Variants in NSD1 observed in about 807,000 individuals in gnomAD.
The protein encoded by NSD1 is nuclear receptor binding SET domain protein 1.
Under a neutral mutation model 242.7 loss-of-function variants are expected in NSD1, and 26 were observed. That is an observed-to-expected ratio of 0.11 (90% CI 0.08 to 0.15). The LOEUF is 0.15. Among genes scored for constraint, NSD1 ranks in the 10% least tolerant of loss-of-function variants. The pLI, the probability that NSD1 is intolerant of heterozygous loss-of-function variation, is 1.00. For synonymous variants in NSD1, 1,106 were observed against 1,178.1 expected (o/e 0.94, Z 1.25); for missense variants, 2,495 against 3,272.8 (o/e 0.76, Z 5.80).
chr5:177,169,907 T>C (rs1007383665), intron 2 of NSD1, among the ~76,000 whole-genome samples: 1 of 151,888 alleles, frequency 6.6e-6, no homozygotes, highest in African/African-American at 2.4e-5. Flanking sequence ...GGTATTAGAT[T>C]TTTAAAATGT....
At chr5:177,228,515 C>T (rs1049691858) in intron 5 of NSD1, among the ~76,000 whole-genome samples, 1 of 151,832 alleles carries the variant, frequency 6.6e-6, no homozygotes, top group Non-Finnish European at 1.5e-5. Flanking sequence ...CCAGCCCCGG[C>T]CTAGGCTGAA....
intron 15 of NSD1, among the ~76,000 whole-genome samples, chr5:177,267,922 A>AT (rs1263016749): frequency 4.2e-5 from 6 of 142,748 alleles, no homozygotes; most frequent in Non-Finnish European, 7.6e-5. Flanking sequence ...CTCTGTCGAA[A>AT]TTTTTTTTTC....
At chr5:177,158,271 TTCTTTC>T in intron 2 of NSD1, among the ~76,000 whole-genome samples, 2 of 104,294 alleles carry the variant, frequency 1.9e-5, no homozygotes, top group Non-Finnish European at 3.5e-5. Flanking sequence ...CTTTCTTTCT[TTCTTTC>T]TTTCTTTCTT....
At chr5:177,247,035 A>G (rs753662244) in intron 10 of NSD1, among the ~76,000 whole-genome samples, 7 of 152,230 alleles carry the variant, frequency 4.6e-5, no homozygotes, top group Non-Finnish European at 1.0e-4. Context: ...TAGGTGTCCA[A>G]TCAGGTATAT....
intron 5 of NSD1, among the ~76,000 whole-genome samples, chr5:177,215,889 G>T (rs780577812): frequency 6.6e-6 from 1 of 151,954 alleles, no homozygotes; most frequent in Non-Finnish European, 1.5e-5. Flanking sequence ...ATGATACTGG[G>T]CCTCTTTGTC....
At chr5:177,240,894 G>A (rs1168322220) in intron 8 of NSD1, among the ~76,000 whole-genome samples, 1 of 151,880 alleles carries the variant, frequency 6.6e-6, no homozygotes, top group African/African-American at 2.4e-5. Context: ...GGTGTTGCAT[G>A]TCTGGTCCCA....
chr5:177,274,367 A>G (rs1758184388), intron 17 of NSD1, among the ~76,000 whole-genome samples: 1 of 152,220 alleles, frequency 6.6e-6, no homozygotes, highest in Non-Finnish European at 1.5e-5. Context: ...CATAAAAATA[A>G]AGAGACAGTG....
At chr5:177,251,147 G>A (rs1038338740) in intron 11 of NSD1, among the ~76,000 whole-genome samples, 3 of 150,960 alleles carry the variant, frequency 2.0e-5, no homozygotes, top group East Asian at 1.9e-4. Context: ...CCAAGATTGC[G>A]CCATTGTACT....
intron 2 of NSD1, among the ~76,000 whole-genome samples, chr5:177,182,336 CAAAA>C (rs1413182331): frequency 6.6e-6 from 1 of 152,052 alleles, no homozygotes. Context: ...AACAAACAAA[CAAAA>C]AACAGAAATT....
At chr5:177,247,451 G>T (rs1766389070) in intron 10 of NSD1, among the ~76,000 whole-genome samples, 1 of 151,926 alleles carries the variant, frequency 6.6e-6, no homozygotes, top group Non-Finnish European at 1.5e-5. Context: ...GAGACTGCTG[G>T]CTGGGCGTTG....
chr5:177,224,969 A>G (rs1764523325), intron 5 of NSD1, among the ~76,000 whole-genome samples: 1 of 151,684 alleles, frequency 6.6e-6, no homozygotes, highest in Admixed American at 6.6e-5. Context: ...GATTTTTGTA[A>G]TTTGAACCAA....
chr5:177,147,555 A>G (rs1757356917), intron 2 of NSD1, among the ~76,000 whole-genome samples: 2 of 151,206 alleles, frequency 1.3e-5, no homozygotes, highest in Admixed American at 6.6e-5. Context: ...CAGGGGATTC[A>G]TCTAAGTTGT....
At chr5:177,141,702 C>T (rs984726416) in intron 2 of NSD1, among the ~76,000 whole-genome samples, 2 of 152,144 alleles carry the variant, frequency 1.3e-5, no homozygotes, top group Admixed American at 6.6e-5. Flanking sequence ...GTCTCATTCA[C>T]TTTCATTGAT....
intron 3 of NSD1, among the ~76,000 whole-genome samples, chr5:177,203,911 T>G (rs995879172): frequency 6.6e-6 from 1 of 152,246 alleles, no homozygotes; most frequent in African/African-American, 2.4e-5. Flanking sequence ...GACTACTGAT[T>G]CTTTCATAAC....
Position 177,159,003 on chromosome 5 carries a change from T to TATATATATATATGAATG in NSD1, c.927+22985_927+22986insGAATGATATATATATAT, listed in dbSNP as rs1554173281. On this transcript the variant is annotated intron_variant, in intron 2 of 22. Transcript: ENST00000439151. ...ACACATATATATGAATGATTTTATA[T>TATATATATATATGAATG]ATATATATATATATATATATATGAA... 2.0e-3 allele frequency among the ~76,000 whole-genome samples: 158 copies of TATATATATATATGAATG among 80,114 alleles called. 4 individuals are homozygous for TATATATATATATGAATG. Among genetic ancestry groups the TATATATATATATGAATG allele is most frequent in the African/African-American group, 0.01 (148 of 14,762 alleles). The allele number at this position is 80,114 out of a possible 152,430, so 52.6% of individuals were successfully genotyped here.
chr5:177,241,282 C>T (rs1213166983), intron 8 of NSD1, among the ~76,000 whole-genome samples: 8 of 150,728 alleles, frequency 5.3e-5, no homozygotes, highest in South Asian at 2.1e-4. Flanking sequence ...AGATCACTTG[C>T]GGTCAGGAGT....
chr5:177,292,619 G>A (rs1412375348), intron 22 of NSD1, among the ~76,000 whole-genome samples: 1 of 152,152 alleles, frequency 6.6e-6, no homozygotes, highest in Non-Finnish European at 1.5e-5. Context: ...GAGATGGATT[G>A]CCACCCTTTT....
intron 4 of NSD1, among the ~76,000 whole-genome samples, chr5:177,205,427 T>C (rs1762799651): frequency 6.6e-6 from 1 of 152,062 alleles, no homozygotes; most frequent in Admixed American, 6.6e-5. Context: ...ACCATCAGTA[T>C]TGTGGCTTTT....
intron 2 of NSD1, among the ~76,000 whole-genome samples, chr5:177,141,682 T>C (rs879377602): frequency 2.6e-5 from 4 of 152,090 alleles, no homozygotes; most frequent in Non-Finnish European, 5.9e-5. Flanking sequence ...TTTCTTCCTC[T>C]TTCTCTGCAG....
Sources: gnomAD v4.1 joint callset for allele counts (sites outside exome capture counted in the v4.1 genomes callset) on GRCh38, gnomAD v4.1.1 for gene constraint, MANE v1.5 for transcripts, NCBI Gene and HGNC (gene_info 2026-07-23, HGNC 2026-07-21) for gene names.